TUFT1: variants seen among roughly 807,000 people sequenced by gnomAD.
TUFT1 encodes tuftelin.
In TUFT1, 43 loss-of-function variants were observed where a neutral mutation model predicts 57.8. The observed-to-expected ratio is 0.74, with a 90% CI of 0.58 to 0.96. TUFT1 has a LOEUF of 0.96. TUFT1 is among the 40% of genes least tolerant of loss of function. The pLI, the probability that TUFT1 is intolerant of heterozygous loss-of-function variation, is 0.00. For missense variants in TUFT1, 459 were observed against 489.0 expected, an observed-to-expected ratio of 0.94 and a Z score of 0.58; for synonymous variants, 166 against 176.7, an observed-to-expected ratio of 0.94 and a Z score of 0.48.
At position 151,566,242 on chromosome 1, in the gene TUFT1, G is replaced by C; in HGVS notation, c.480+14G>C. On this transcript the variant is annotated intron_variant, in intron 6 of 12. Transcript: ENST00000368849. Reference sequence around the variant, plus strand: ...AGCCCACCTGAGGTAGGTAACAGAGGACACCATGGTGGCTCCGCTTAGCCA... The same window carrying C: ...AGCCCACCTGAGGTAGGTAACAGAGCACACCATGGTGGCTCCGCTTAGCCA... The C allele has an allele frequency of 1.2e-6, 2 of 1,607,788 alleles. No homozygotes were observed. Among genetic ancestry groups the C allele is most frequent in the Non-Finnish European group, 1.7e-6 (2 of 1,177,252 alleles).
At chr1:151,550,335 A>G (rs1174990029) in intron 1 of TUFT1, among the ~76,000 whole-genome samples, 1 of 151,946 alleles carries the variant, frequency 6.6e-6, no homozygotes. Flanking sequence ...GCCTGGCCCA[A>G]ATAGTTTTTT....
intron 3 of TUFT1, among the ~76,000 whole-genome samples, 162 bp downstream of exon 3, chr1:151,562,848 A>T (rs890645287): frequency 2.0e-5 from 3 of 152,204 alleles, no homozygotes; most frequent in African/African-American, 7.2e-5. Context: ...TATCTTAATT[A>T]ATACCAGGAG....
At chr1:151,566,736 T>C (rs1365035782) in intron 6 of TUFT1, among the ~76,000 whole-genome samples, 1 of 152,226 alleles carries the variant, frequency 6.6e-6, no homozygotes, top group East Asian at 1.9e-4. Flanking sequence ...ATGTATATAA[T>C]ATACATGTGC....
At chr1:151,567,101 G>A (rs1054632157) in intron 6 of TUFT1, among the ~76,000 whole-genome samples, 1 of 152,142 alleles carries the variant, frequency 6.6e-6, no homozygotes, top group African/African-American at 2.4e-5. Context: ...TGTAGAGATG[G>A]GGTTGCCCAG....
At chr1:151,573,570 C>T (rs1666339845) in intron 7 of TUFT1, among the ~76,000 whole-genome samples, 1 of 152,132 alleles carries the variant, frequency 6.6e-6, no homozygotes. Flanking sequence ...CATGGATAAA[C>T]CCCGTCTCTA....
At chr1:151,546,532 C>T (rs957509252) in intron 1 of TUFT1, among the ~76,000 whole-genome samples, 4 of 152,164 alleles carry the variant, frequency 2.6e-5, no homozygotes, top group African/African-American at 2.4e-5. Flanking sequence ...CATTTCCCCC[C>T]AATCTCTCTC....
rs1553249393 is a variant in TUFT1, at chr1:151,554,695, C to CCTTTTTT, written c.61-7396_61-7395insCTTTTTT. Among the ~76,000 whole-genome samples, 3 of 85,652 alleles carry CCTTTTTT rather than the reference C, an allele frequency of 3.5e-5. 1 individual carries two copies. The highest frequency in any genetic ancestry group is 2.7e-4 in the Admixed American group (2 of 7,314). The allele number at this position is 85,652 out of a possible 152,430, so 56.2% of individuals were successfully genotyped here. A position where few individuals can be genotyped will look rare whatever the true frequency, so the allele number is the denominator to read the frequency against. On this transcript the variant is annotated intron_variant, in intron 1 of 12. Transcript: ENST00000368849. ...ACTGTGAACCACTGTGCCCGGCCCC[C>CCTTTTTT]TTTTTTTTTTTTTTTTTTTTTTTTT...
intron 6 of TUFT1, among the ~76,000 whole-genome samples, chr1:151,568,564 A>G (rs984974888): frequency 2.6e-5 from 4 of 152,220 alleles, no homozygotes; most frequent in African/African-American, 9.7e-5. Flanking sequence ...TAAGTGCATA[A>G]TAGCTGTGTT....
At chr1:151,562,820 C>G (rs1041253605) in intron 3 of TUFT1, 134 bp downstream of exon 3, 1 of 691,444 alleles carries the variant, frequency 1.4e-6, no homozygotes, top group Non-Finnish European at 2.5e-6. Flanking sequence ...CTGCTAGTTC[C>G]TGGCAATCTC....
At chr1:151,563,843 C>T (rs1201998562) in intron 3 of TUFT1, 61 bp from the exon 4 acceptor site, 2 of 1,448,376 alleles carry the variant, frequency 1.4e-6, no homozygotes, top group Non-Finnish European at 1.9e-6. Context: ...TATGAAGCTG[C>T]CTATTTTTGT....
rs747288018 is a variant in TUFT1, at chr1:151,562,587, G to T, written c.138G>T (p.Ala46=). ...GDELEHIAQK[A]GRKTYAMVSS... ...CTCTCTCATCTCTCTTTGGCCAGGC[G>T]GGCAGGAAGACCTATGCCATGGTGT... Residue 46 remains alanine (A), a splice_region_variant and synonymous_variant, in exon 3 of 13, where the codon GCG becomes GCT. Coordinates refer to ENST00000368849, the MANE Select transcript of TUFT1 (RefSeq NM_020127.3). 1.9e-6 allele frequency: 3 copies of T among 1,611,586 alleles called. No individual in the cohort carries two copies. The highest frequency in any genetic ancestry group is 2.7e-5 in the African/African-American group (2 of 74,888).
Position 151,578,743 on chromosome 1 carries a change from G to C in TUFT1, c.841G>C (p.Val281Leu), listed in dbSNP as rs762735385. 4.4e-5 allele frequency: 70 copies of C among 1,577,134 alleles called. 1 individual carries two copies. The South Asian group carries it at 7.3e-4, about 16-fold the overall frequency. The change falls in exon 10 of 13, where the codon GTG (valine) becomes CTG (leucine). Residue 281 changes from valine to leucine, a missense_variant. Coordinates refer to ENST00000368849, the MANE Select transcript of TUFT1 (RefSeq NM_020127.3). ...CAGGGCTGCTACCCTGGAAAAGGAA[G>C]TGGCCGGGTTGCGGGAGAAGATCCA... ...REKAATLEKEVAGLREKIHHL... is the reference protein window; with the variant it reads ...REKAATLEKELAGLREKIHHL...
At chr1:151,556,375 T>C (rs2102529333) in intron 1 of TUFT1, among the ~76,000 whole-genome samples, 1 of 147,796 alleles carries the variant, frequency 6.8e-6, no homozygotes, top group Admixed American at 6.7e-5. Context: ...TTCCCTTCCC[T>C]TCCTTTCTCC....
chr1:151,541,731 C>G lies in TUFT1; in HGVS notation c.60+1305C>G, dbSNP rs1040909196. ...AATACAGATGTTGCTATTGGCCAACCCCAGTTGCCCAAACCCCATTCTTCT... is the reference window on the plus strand; with the variant it reads ...AATACAGATGTTGCTATTGGCCAACGCCAGTTGCCCAAACCCCATTCTTCT... On this transcript the variant is annotated intron_variant, in intron 1 of 12. Transcript: ENST00000368849. Among the ~76,000 whole-genome samples the G allele has an allele frequency of 2.6e-5, 4 of 152,288 alleles. No individual in the cohort carries two copies. In the East Asian group the frequency reaches 5.8e-4, roughly 22 times the overall value.
At position 151,566,234 on chromosome 1, in the gene TUFT1, T is replaced by C. The variant is rs771708061; in HGVS notation, c.480+6T>C. On this transcript the variant is annotated splice_donor_region_variant and intron_variant, in intron 6 of 12. Coordinates refer to ENST00000368849, the MANE Select transcript of TUFT1 (RefSeq NM_020127.3). ...TGTACAGCAGCCCACCTGAGGTAGG[T>C]AACAGAGGACACCATGGTGGCTCCG... 1 of 1,609,724 alleles carries C rather than the reference T, an allele frequency of 6.2e-7. No individual in the cohort carries two copies. Among genetic ancestry groups the C allele is most frequent in the South Asian group, 1.1e-5 (1 of 90,418 alleles).
intron 1 of TUFT1, among the ~76,000 whole-genome samples, chr1:151,558,564 T>C (rs1378931380): frequency 1.3e-5 from 2 of 152,126 alleles, no homozygotes; most frequent in Non-Finnish European, 2.9e-5. Flanking sequence ...CAACTGACCC[T>C]CTTTCTCCTC....
In TUFT1 at chr1:151,578,946, C is replaced by T. The variant is rs1055242673; in HGVS notation, c.924+120C>T. 16 of 737,002 alleles carry T rather than the reference C, an allele frequency of 2.2e-5. No homozygotes were observed. In the African/African-American group the frequency reaches 2.7e-4, roughly 12 times the overall value. 45.7% of individuals were successfully genotyped at this position (737,002 alleles called of 1,614,324 possible). A position where few individuals can be genotyped will look rare whatever the true frequency, so the allele number is the denominator to read the frequency against. ...TTCCCATGTCAAACATTTATAGCTACCAATTACCAGGTTCAGGTTATTAGG... is the reference window on the plus strand; with the variant it reads ...TTCCCATGTCAAACATTTATAGCTATCAATTACCAGGTTCAGGTTATTAGG... On this transcript the variant is annotated intron_variant, in intron 10 of 12. Transcript: ENST00000368849.
chr1:151,549,660 A>G (rs2102521351), intron 1 of TUFT1, among the ~76,000 whole-genome samples: 1 of 152,332 alleles, frequency 6.6e-6, no homozygotes, highest in South Asian at 2.1e-4. Context: ...CAGAGAGATT[A>G]AGTGATTTGC....
chr1:151,550,897 C>T (rs1022819170), intron 1 of TUFT1, among the ~76,000 whole-genome samples: 18 of 152,004 alleles, frequency 1.2e-4, no homozygotes, highest in African/African-American at 3.6e-4. Context: ...ACTGCACTCC[C>T]GCCTGGGTAA....
Sources: gnomAD v4.1 joint callset for allele counts (sites outside exome capture counted in the v4.1 genomes callset) on GRCh38, gnomAD v4.1.1 for gene constraint, MANE v1.5 for transcripts, NCBI Gene and HGNC (gene_info 2026-07-23, HGNC 2026-07-21) for gene names.